Variants in ADAM19 observed in about 807,000 individuals in gnomAD.
ADAM19 encodes the protein ADAM metallopeptidase domain 19, also known as disintegrin and metalloproteinase domain-containing protein 19.
In ADAM19, 65 loss-of-function variants were observed where a neutral mutation model predicts 114.7. That is an observed-to-expected ratio of 0.57 (90% CI 0.46 to 0.70). The LOEUF (loss-of-function observed/expected upper bound fraction) is 0.70, where lower values mean the gene tolerates loss of function less well. Ranked by LOEUF, ADAM19 falls within the 30% of genes least tolerant of loss-of-function variation. The probability of loss-of-function intolerance (pLI) is 0.00; values close to 1 mark genes in which losing one functional copy is unlikely to be tolerated. For missense variants in ADAM19, 1,063 were observed against 1,204.7 expected (o/e 0.88, Z 1.74); for synonymous variants, 466 against 460.5 (o/e 1.01, Z -0.15).
chr5:157,480,743 G>C lies in ADAM19; in HGVS notation c.*206C>G, dbSNP rs1754720772. ...TATATTGCACAAAACAACACCTAGA[G>C]GCCATCAGATCATAGTCCCTCTGGG... On this transcript the variant is annotated 3_prime_UTR_variant, in exon 23 of 23. Transcript: ENST00000257527. 4.9e-6 allele frequency: 7 copies of C among 1,422,802 alleles called. No homozygotes were observed. In the South Asian group the frequency reaches 1.1e-4, roughly 22 times the overall value. The allele number at this position is 1,422,802 out of a possible 1,614,324, so 88.1% of individuals were successfully genotyped here. A position where few individuals can be genotyped will look rare whatever the true frequency, so the allele number is the denominator to read the frequency against.
At chr5:157,570,308 A>C (rs1220043514) in intron 2 of ADAM19, 1 of 152,268 alleles carries the variant, frequency 6.6e-6, no homozygotes, top group Non-Finnish European at 1.5e-5. Context: ...AAAAACAAAA[A>C]CCAGAACCAC....
At chr5:157,511,052 T>A (rs1010634412) in intron 8 of ADAM19, among the ~76,000 whole-genome samples, 3 of 152,140 alleles carry the variant, frequency 2.0e-5, no homozygotes, top group Admixed American at 2.0e-4. Context: ...TAGAGCTACA[T>A]CTAATCTTTA....
In ADAM19 at chr5:157,575,685, G is replaced by GC; in HGVS notation, c.11dup (p.Ala5ArgfsTer31). On this transcript the variant is annotated frameshift_variant, in exon 1 of 23. Coordinates refer to ENST00000257527, the MANE Select transcript of ADAM19 (RefSeq NM_033274.5). LOFTEE classifies it high-confidence loss of function. ...GCAAGCAGAGCCGGGCGGCGCCTGC[G>GC]CCCCCTGGCATGGTGGCGGCGGCCC... 1 of 1,340,410 alleles carries GC rather than the reference G, an allele frequency of 7.5e-7. No individual in the cohort carries two copies. Among genetic ancestry groups the GC allele is most frequent in the South Asian group, 1.9e-5 (1 of 53,282 alleles). The allele number at this position is 1,340,410 out of a possible 1,614,324, so 83.0% of individuals were successfully genotyped here. A position where few individuals can be genotyped will look rare whatever the true frequency, so the allele number is the denominator to read the frequency against.
chr5:157,548,028 G>C (rs1285117771), intron 3 of ADAM19, among the ~76,000 whole-genome samples: 1 of 152,032 alleles, frequency 6.6e-6, no homozygotes, highest in East Asian at 1.9e-4. Context: ...TCTAACTATA[G>C]AGAACTTTTC....
intron 5 of ADAM19, among the ~76,000 whole-genome samples, chr5:157,530,199 G>T (rs552494280): frequency 6.7e-6 from 1 of 149,954 alleles, no homozygotes; most frequent in Admixed American, 6.7e-5. Flanking sequence ...AACCAATCCA[G>T]AGTCCATACC....
rs1754720467 is a variant in ADAM19, at chr5:157,480,732, C to T, written c.*217G>A. On this transcript the variant is annotated 3_prime_UTR_variant, in exon 23 of 23. Coordinates refer to ENST00000257527, the MANE Select transcript of ADAM19 (RefSeq NM_033274.5). ...ACCTGGGGCTGTATATTGCACAAAA[C>T]AACACCTAGAGGCCATCAGATCATA... The T allele has an allele frequency of 1.4e-5, 19 of 1,404,054 alleles. No individual in the cohort carries two copies. The South Asian group carries it at 2.8e-4, about 21-fold the overall frequency. 87.0% of individuals were successfully genotyped at this position (1,404,054 alleles called of 1,614,324 possible).
In ADAM19 at chr5:157,570,902, C is replaced by T. The variant is rs1396981270; in HGVS notation, c.173G>A (p.Arg58Lys). 6.2e-7 allele frequency: 1 copy of T among 1,614,112 alleles called. No homozygotes were observed. ...AGGTCTTTTGAGTCTTACCTTTTCT[C>T]TCACGGGGCTTTCTGAAGTCTTCCA... ...PQWKTSESPV[R>K]EKHPLKAELR... Residue 58 changes from arginine (R) to lysine (K), a missense_variant, in exon 2 of 23, where the codon AGA becomes AAA. By Grantham distance (26) the Arg-to-Lys change is conservative (BLOSUM62 2). Around this residue, in one of 3 missense-constraint regions of ADAM19, gnomAD observed 615 missense variants for 706.3 expected, o/e 0.87. Coordinates refer to ENST00000257527, the MANE Select transcript of ADAM19 (RefSeq NM_033274.5).
Position 157,481,962 on chromosome 5 carries a change from G to A in ADAM19, c.2551-19C>T. The A allele has an allele frequency of 1.9e-5, 29 of 1,561,834 alleles. No individual in the cohort carries two copies. The highest frequency in any genetic ancestry group is 2.5e-5 in the Non-Finnish European group (29 of 1,155,130). ...AGAAGTCCTGGAGAGAAAGCAATAAGCCTCACTTGAAGGCCAGAGGCCTGT... is the reference window on the plus strand; with the variant it reads ...AGAAGTCCTGGAGAGAAAGCAATAAACCTCACTTGAAGGCCAGAGGCCTGT... On this transcript the variant is annotated intron_variant, in intron 21 of 22. Coordinates refer to ENST00000257527, the MANE Select transcript of ADAM19 (RefSeq NM_033274.5).
chr5:157,556,193 G>GTTTTTT (rs756721503), intron 3 of ADAM19, among the ~76,000 whole-genome samples: 2 of 95,558 alleles, frequency 2.1e-5, no homozygotes, highest in South Asian at 3.7e-4. Flanking sequence ...TTTATAACCT[G>GTTTTTT]TTTTTTTTTC....
At chr5:157,558,073 A>C (rs185302313) in intron 3 of ADAM19, among the ~76,000 whole-genome samples, 1 of 152,234 alleles carries the variant, frequency 6.6e-6, no homozygotes, top group African/African-American at 2.4e-5. Context: ...CAAAGCTACA[A>C]TTAGAAACTA....
intron 9 of ADAM19, among the ~76,000 whole-genome samples, chr5:157,508,955 G>A (rs1423393598): frequency 2.6e-5 from 4 of 152,248 alleles, no homozygotes; most frequent in African/African-American, 9.6e-5. Flanking sequence ...AAAGCGCCAG[G>A]AAGATTGAGA....
chr5:157,546,250 T>G (rs1043645251), intron 3 of ADAM19, among the ~76,000 whole-genome samples: 4 of 152,180 alleles, frequency 2.6e-5, no homozygotes, highest in Admixed American at 1.3e-4. Flanking sequence ...TGGTAACCAA[T>G]TTCTAGTTTC....
intron 3 of ADAM19, among the ~76,000 whole-genome samples, chr5:157,538,602 G>A (rs1351829191): frequency 1.3e-5 from 2 of 152,124 alleles, no homozygotes; most frequent in Non-Finnish European, 2.9e-5. Flanking sequence ...CTGCCCTTTC[G>A]GACACTTAGT....
rs779093151 is a variant in ADAM19 at position 157,496,958 on chromosome 5, C to A, written c.1530G>T (p.Gln510His). 2 of 1,599,360 alleles carry A rather than the reference C, an allele frequency of 1.3e-6. No individual in the cohort carries two copies. Among genetic ancestry groups the A allele is most frequent in the African/African-American group, 2.7e-5 (2 of 74,008 alleles). Reference sequence around the variant, plus strand: ...GGCACATGCCGTTGTAGCAGTAGGCCTGGCCGCCCTCACAGGGGGTACCAT... The same window carrying A: ...GGCACATGCCGTTGTAGCAGTAGGCATGGCCGCCCTCACAGGGGGTACCAT... ...QMDGTPCEGG[Q>H]AYCYNGMCLT... Residue 510 changes from glutamine to histidine, a missense_variant, in exon 14 of 23, where the codon CAG (glutamine) becomes CAT (histidine). This residue lies in a region of ADAM19 where 615 missense variants were observed against 706.3 expected (regional missense o/e 0.87). Coordinates refer to ENST00000257527, the MANE Select transcript of ADAM19 (RefSeq NM_033274.5).
Position 157,530,874 on chromosome 5 carries a change from A to T in ADAM19, c.340T>A (p.Phe114Ile). The T allele has an allele frequency of 6.2e-7, 1 of 1,614,098 alleles. No individual in the cohort carries two copies. Residue 114 changes from phenylalanine to isoleucine, a missense_variant, in exon 5 of 23, where the codon TTT (phenylalanine) becomes ATT (isoleucine). Physicochemically the swap from Phe to Ile is conservative, Grantham distance 21. This residue lies in a region of ADAM19 where 615 missense variants were observed against 706.3 expected (regional missense o/e 0.87). Transcript: ENST00000257527. Reference protein sequence around the residue: ...TTTRKLEDHCFYHGTVRETEL... With the variant: ...TTTRKLEDHCIYHGTVRETEL... ...GTCTCCCTCACCGTGCCGTGGTAAA[A>T]GCAGTGATCCTAGCAAGGAGAAAGG...
intron 7 of ADAM19, 123 bp from the exon 8 acceptor site, chr5:157,513,628 A>G: frequency 1.2e-6 from 1 of 854,998 alleles, no homozygotes; most frequent in Non-Finnish European, 1.9e-6. Flanking sequence ...CATCATTTTT[A>G]TGCAATTGTC....
At chr5:157,528,010 G>A (rs1018011865) in intron 5 of ADAM19, among the ~76,000 whole-genome samples, 3 of 152,064 alleles carry the variant, frequency 2.0e-5, no homozygotes. Context: ...CTCCAATCAT[G>A]GGAGCATGTT....
Position 157,479,538 on chromosome 5 carries a change from G to C in ADAM19, c.*1411C>G, listed in dbSNP as rs1028202349. Reference sequence around the variant, plus strand: ...TGCTTTGCAAAAACCGTCCTATCTAGCAAAGCACCACACGGCCCTCCTTCC... The same window carrying C: ...TGCTTTGCAAAAACCGTCCTATCTACCAAAGCACCACACGGCCCTCCTTCC... On this transcript the variant is annotated 3_prime_UTR_variant, in exon 23 of 23. Transcript: ENST00000257527. 2.3e-5 allele frequency: 23 copies of C among 985,882 alleles called. No individual in the cohort carries two copies. In the African/African-American group the frequency reaches 3.8e-4, roughly 16 times the overall value. 61.1% of individuals were successfully genotyped at this position (985,882 alleles called of 1,614,324 possible). A position where few individuals can be genotyped will look rare whatever the true frequency, so the allele number is the denominator to read the frequency against.
chr5:157,502,652 T>G, intron 12 of ADAM19, 151 bp downstream of exon 12: 2 of 840,738 alleles, frequency 2.4e-6, no homozygotes, highest in Non-Finnish European at 3.8e-6. Context: ...ACTGGAAGGC[T>G]TCTTCATATC....
Sources: gnomAD v4.1 joint callset for allele counts (sites outside exome capture counted in the v4.1 genomes callset) on GRCh38, gnomAD v4.1.1 for gene constraint, gnomAD v4.1.1 regional missense constraint, MANE v1.5 for transcripts, NCBI Gene and HGNC (gene_info 2026-07-23, HGNC 2026-07-21) for gene names.